The following LRBA variants were observed in gnomAD, a reference collection of about 807,000 sequenced individuals.
LRBA encodes the protein lipopolysaccharide-responsive and beige-like anchor protein.
In LRBA, 176 loss-of-function variants were observed where a neutral mutation model predicts 330.0. That is an observed-to-expected ratio of 0.53 (90% confidence interval 0.47 to 0.60). The LOEUF is 0.60. Ranked by LOEUF, LRBA falls within the 20% of genes least tolerant of loss-of-function variation. The probability of loss-of-function intolerance (pLI) is 0.00; values close to 1 mark genes in which losing one functional copy is unlikely to be tolerated. For synonymous variants in LRBA, 1,230 were observed against 1,193.0 expected, an observed-to-expected ratio of 1.03 and a Z score of -0.64; for missense variants, 3,259 against 3,444.8, an observed-to-expected ratio of 0.95 and a Z score of 1.35.
intron 17 of LRBA, among the ~76,000 whole-genome samples, chr4:150,884,976 A>T (rs1247131685): frequency 1.3e-5 from 2 of 152,128 alleles, no homozygotes; most frequent in Non-Finnish European, 2.9e-5. Flanking sequence ...AAAAAGACCA[A>T]ATGGAAATTC....
In LRBA at chr4:150,436,980, C is replaced by G. The variant is rs547264628; in HGVS notation, c.6781-116G>C. On this transcript the variant is annotated intron_variant, in intron 44 of 56. Coordinates refer to ENST00000651943, the MANE Select transcript of LRBA (RefSeq NM_001364905.1). ...TAAAAGTGAATTTTAAAAATATATA[C>G]TACTTAAGCTGCAACACAGTATCAT... 670 of 893,118 alleles carry G rather than the reference C, an allele frequency of 7.5e-4. 2 individuals carry two copies. The highest frequency in any genetic ancestry group is 1.1e-3 in the Non-Finnish European group (618 of 572,936). The allele number at this position is 893,118 out of a possible 1,614,324, so 55.3% of individuals were successfully genotyped here.
At chr4:150,584,061 G>A (rs1478650660) in intron 40 of LRBA, 5 of 1,572,624 alleles carry the variant, frequency 3.2e-6, no homozygotes, top group Non-Finnish European at 2.6e-6. Flanking sequence ...AGACCTGGAG[G>A]TTGGCCAGGG....
Position 150,282,780 on chromosome 4 carries a change from T to A in LRBA, c.8120-134A>T, listed in dbSNP as rs936600259. 4.8e-6 allele frequency: 3 copies of A among 627,864 alleles called. No homozygotes were observed. In the Admixed American group the frequency reaches 9.9e-5, roughly 21 times the overall value. The allele number at this position is 627,864 out of a possible 1,614,324, so 38.9% of individuals were successfully genotyped here. On this transcript the variant is annotated intron_variant, in intron 54 of 56. Transcript: ENST00000651943. ...AGAAAGCCTTTAAAAAACTTCCATC[T>A]TACGTGTAAGTTATTTTGCAAAATC...
At chr4:150,851,568 G>C (rs1353707040) in intron 23 of LRBA, among the ~76,000 whole-genome samples, 2 of 152,152 alleles carry the variant, frequency 1.3e-5, no homozygotes, top group East Asian at 3.8e-4. Flanking sequence ...TACTAGGATT[G>C]GGTTAGTCAA....
intron 37 of LRBA, among the ~76,000 whole-genome samples, chr4:150,631,698 G>A (rs1180851155): frequency 6.6e-6 from 1 of 152,152 alleles, no homozygotes; most frequent in Non-Finnish European, 1.5e-5. Context: ...AAAGAGAGGA[G>A]ACTGTTGAAT....
chr4:150,903,287 A>G (rs1032443064), intron 13 of LRBA, among the ~76,000 whole-genome samples: 3 of 152,196 alleles, frequency 2.0e-5, no homozygotes, highest in African/African-American at 7.2e-5. Context: ...CAGGAGGCTG[A>G]GGCAGGAGGA....
chr4:151,014,522 T>C lies in LRBA; in HGVS notation c.121A>G (p.Ile41Val), dbSNP rs774410906. The change falls in exon 2 of 57, where the codon ATC (isoleucine) becomes GTC (valine). Residue 41 changes from isoleucine (I) to valine (V), a missense_variant. Coordinates refer to ENST00000651943, the MANE Select transcript of LRBA (RefSeq NM_001364905.1). ...GCAAATTTCATTCTGATGCCCCTGA[T>C]GGGGAGCCCTGGTTTCAGAGACAAT... ...GALSLKPGLP[I>V]RGIRMKFAVL... 1.2e-6 allele frequency: 2 copies of C among 1,614,172 alleles called. No individual in the cohort carries two copies. The highest frequency in any genetic ancestry group is 3.3e-5 in the Admixed American group (2 of 60,024).
intron 34 of LRBA, among the ~76,000 whole-genome samples, chr4:150,770,383 TC>T (rs1308919007): frequency 6.6e-6 from 1 of 152,006 alleles, no homozygotes; most frequent in Non-Finnish European, 1.5e-5. Context: ...ATAAACCCAT[TC>T]CCCACCTTAG....
chr4:150,551,719 T>C (rs557389425), intron 40 of LRBA, among the ~76,000 whole-genome samples: 1 of 152,150 alleles, frequency 6.6e-6, no homozygotes, highest in African/African-American at 2.4e-5. Context: ...GATTGAAATA[T>C]ATGATACTCA....
Position 150,761,799 on chromosome 4 carries a change from G to A in LRBA, c.5629C>T (p.Leu1877Phe). 6.5e-7 allele frequency: 1 copy of A among 1,545,564 alleles called. No individual in the cohort carries two copies. The highest frequency in any genetic ancestry group is 8.7e-7 in the Non-Finnish European group (1 of 1,151,112). The change falls in exon 35 of 57, where the codon CTT becomes TTT. Residue 1877 changes from leucine (L) to phenylalanine (F), a missense_variant. Coordinates refer to ENST00000651943, the MANE Select transcript of LRBA (RefSeq NM_001364905.1). ...ATAAATTACCTTCCTTCATTGACAA[G>A]TTCGATAAAAGCAAGGCCTGCATTC... is the stretch of plus-strand genomic sequence containing the variant. ...QKNAGLAFIE[L>F]VNEGRLLSQT...
intron 44 of LRBA, among the ~76,000 whole-genome samples, chr4:150,444,360 C>T (rs1752309307): frequency 6.6e-6 from 1 of 152,168 alleles, no homozygotes; most frequent in African/African-American, 2.4e-5. Flanking sequence ...CCTCCCCCAC[C>T]ACTCTAGTGA....
chr4:150,885,593 C>T (rs1008945777), intron 17 of LRBA, among the ~76,000 whole-genome samples: 1 of 152,054 alleles, frequency 6.6e-6, no homozygotes, highest in African/African-American at 2.4e-5. Flanking sequence ...TGTACTCCAT[C>T]CTGGGTGACA....
intron 42 of LRBA, among the ~76,000 whole-genome samples, chr4:150,480,467 T>A (rs574673462): frequency 6.6e-6 from 1 of 151,970 alleles, no homozygotes; most frequent in East Asian, 1.9e-4. Context: ...AATTGTATGA[T>A]GTAATAGAGC....
intron 40 of LRBA, among the ~76,000 whole-genome samples, chr4:150,497,252 C>T (rs1480054836): frequency 6.6e-6 from 1 of 152,024 alleles, no homozygotes. Flanking sequence ...ATATTGAATC[C>T]TAGTTGGTTC....
chr4:150,507,140 TGGCCATACTGCCCAA>T (rs764086493), intron 40 of LRBA, among the ~76,000 whole-genome samples: 10 of 151,236 alleles, frequency 6.6e-5, no homozygotes, highest in Admixed American at 1.3e-4. Context: ...ATCATGAAAA[TGGCCATACTGCCCAA>T]GGTAATTTAT....
intron 37 of LRBA, among the ~76,000 whole-genome samples, chr4:150,647,130 C>T (rs75741869): frequency 0.027 from 4,079 of 151,682 alleles, 171 homozygotes; most frequent in African/African-American, 0.093. Context: ...ATTTTTCCAT[C>T]ACATATAATA....
intron 37 of LRBA, among the ~76,000 whole-genome samples, chr4:150,602,669 T>C (rs1356156258): frequency 1.3e-5 from 2 of 152,172 alleles, no homozygotes; most frequent in Non-Finnish European, 1.5e-5. Context: ...TTCTTCACTC[T>C]CATTTAAGAA....
chr4:150,315,466 C>T (rs1170872560), intron 51 of LRBA, 95 bp downstream of exon 51: 4 of 1,041,882 alleles, frequency 3.8e-6, no homozygotes, highest in Non-Finnish European at 6.0e-6. Context: ...AAATTCCATT[C>T]CCAGCAACCA....
intron 17 of LRBA, among the ~76,000 whole-genome samples, chr4:150,879,574 A>ACT (rs1728140459): frequency 6.6e-6 from 1 of 151,818 alleles, no homozygotes; most frequent in African/African-American, 2.4e-5. Flanking sequence ...AAAAATTCAA[A>ACT]CTCTCTCTCT....
Sources: allele counts gnomAD v4.1 joint callset (sites outside exome capture counted in the v4.1 genomes callset), GRCh38; gene constraint gnomAD v4.1.1; transcripts MANE v1.5; gene names NCBI Gene and HGNC (gene_info 2026-07-23, HGNC 2026-07-21).